The following TMEM131L variants were observed in gnomAD, a reference collection of about 807,000 sequenced individuals.
TMEM131L encodes transmembrane 131 like.
TMEM131L carries 54 observed loss-of-function variants against 192.2 expected under a neutral mutation model. The observed-to-expected ratio is 0.28, with a 90% CI of 0.23 to 0.35. TMEM131L has a LOEUF of 0.35. Among genes scored for constraint, TMEM131L ranks in the 10% least tolerant of loss-of-function variants. TMEM131L has a pLI of 1.00. For synonymous variants in TMEM131L, 701 were observed against 704.9 expected, an observed-to-expected ratio of 0.99 and a Z score of 0.09; for missense variants, 1,888 against 1,972.9, an observed-to-expected ratio of 0.96 and a Z score of 0.82.
At chr4:153,545,292 T>TTC (rs2150364748) in intron 3 of TMEM131L, among the ~76,000 whole-genome samples, 1 of 144,036 alleles carries the variant, frequency 6.9e-6, no homozygotes, top group Non-Finnish European at 1.5e-5. Flanking sequence ...TTTTCAAACT[T>TTC]TTTTTTTTTT....
At chr4:153,612,560 T>C (rs1320260328) in intron 26 of TMEM131L, among the ~76,000 whole-genome samples, 160 bp downstream of exon 26, 1 of 152,218 alleles carries the variant, frequency 6.6e-6, no homozygotes, top group Non-Finnish European at 1.5e-5. Context: ...TACCTTCTAA[T>C]TATATAGACG....
At chr4:153,571,911 T>TA (rs964567600) in intron 7 of TMEM131L, among the ~76,000 whole-genome samples, 7 of 152,344 alleles carry the variant, frequency 4.6e-5, no homozygotes, top group African/African-American at 1.7e-4. Flanking sequence ...TGTCTTCCTT[T>TA]ATTAGAGTCT....
chr4:153,590,292 C>G (rs890983546), intron 16 of TMEM131L, among the ~76,000 whole-genome samples: 1 of 152,140 alleles, frequency 6.6e-6, no homozygotes, highest in Non-Finnish European at 1.5e-5. Flanking sequence ...CTGATTGTTT[C>G]CTCAAGTTCA....
chr4:153,514,091 C>G (rs1004781768), intron 3 of TMEM131L, among the ~76,000 whole-genome samples: 3 of 152,142 alleles, frequency 2.0e-5, no homozygotes, highest in Admixed American at 2.0e-4. Context: ...CATAGCACAG[C>G]TTTGGAATCA....
chr4:153,484,297 G>A (rs1047763888), intron 3 of TMEM131L, among the ~76,000 whole-genome samples: 4 of 152,008 alleles, frequency 2.6e-5, no homozygotes, highest in Non-Finnish European at 5.9e-5. Flanking sequence ...ACAGATGTGT[G>A]GTGCCCAATT....
At chr4:153,576,779 T>C (rs17030209) in intron 7 of TMEM131L, among the ~76,000 whole-genome samples, 20,535 of 152,118 alleles carry the variant, frequency 0.13, 3,943 homozygotes, top group African/African-American at 0.43. Context: ...TACACACTGT[T>C]AGGTTTTTAT....
chr4:153,550,107 C>A lies in TMEM131L; in HGVS notation c.274C>A (p.His92Asn). Residue 92 changes from histidine (H) to asparagine (N), a missense_variant, in exon 4 of 35, where the codon CAT becomes AAT. By Grantham distance (68) the His-to-Asn change is moderately conservative (BLOSUM62 1). Transcript: ENST00000409959. ...CAAACTATTTAGTGGAAAAGGCTTA[C>A]ATTTTCAGCCATCAGTTTTAGATTT... ...SDKLFSGKGL[H>N]FQPSVLDFGI... 6.7e-7 allele frequency: 1 copy of A among 1,489,210 alleles called. No individual in the cohort carries two copies. The highest frequency in any genetic ancestry group is 9.0e-7 in the Non-Finnish European group (1 of 1,107,820). The allele number at this position is 1,489,210 out of a possible 1,614,324, so 92.2% of individuals were successfully genotyped here. A position where few individuals can be genotyped will look rare whatever the true frequency, so the allele number is the denominator to read the frequency against.
chr4:153,550,574 C>T (rs1486874503), intron 4 of TMEM131L, among the ~76,000 whole-genome samples: 1 of 152,240 alleles, frequency 6.6e-6, no homozygotes, highest in African/African-American at 2.4e-5. Context: ...GATCCGCCCG[C>T]CTCGGCCTCC....
chr4:153,612,340 G>A lies in TMEM131L; in HGVS notation c.3507G>A (p.Lys1169=), dbSNP rs1016461691. 1 of 1,601,196 alleles carries A rather than the reference G, an allele frequency of 6.2e-7. No homozygotes were observed. Among genetic ancestry groups the A allele is most frequent in the Admixed American group, 1.7e-5 (1 of 57,872 alleles). The part of the protein sequence containing the change: ...KVDTKPSSEK[K]IHKTSREDMF... ...ACACAAAGCCTTCTTCAGAAAAGAA[G>A]ATTCACAAAACATCTAGAGAAGACA... is the stretch of plus-strand genomic sequence containing the variant. Residue 1169 remains lysine (K), a synonymous_variant, in exon 26 of 35, where the codon AAG becomes AAA. Transcript: ENST00000409959.
chr4:153,557,161 CTT>C (rs1728526635), intron 6 of TMEM131L, 79 bp downstream of exon 6: 1 of 704,958 alleles, frequency 1.4e-6, no homozygotes, highest in Admixed American at 2.8e-5. Flanking sequence ...TTTAAAAAGA[CTT>C]TTGGAAATGT....
intron 3 of TMEM131L, among the ~76,000 whole-genome samples, chr4:153,526,736 C>CAA (rs562115030): frequency 1.2e-4 from 14 of 115,462 alleles, no homozygotes; most frequent in African/African-American, 3.3e-4. Flanking sequence ...GACTCTGTCT[C>CAA]AAAAAAAAAA....
At chr4:153,548,607 C>T (rs1176945953) in intron 3 of TMEM131L, among the ~76,000 whole-genome samples, 2 of 152,076 alleles carry the variant, frequency 1.3e-5, no homozygotes, top group African/African-American at 2.4e-5. Flanking sequence ...CCGGCGGCAT[C>T]ACTTTATTAT....
Position 153,583,268 on chromosome 4 carries a change from TA to T in TMEM131L, c.951+23del. 8.1e-7 allele frequency: 1 copy of T among 1,235,912 alleles called. No homozygotes were observed. The highest frequency in any genetic ancestry group is 1.2e-6 in the Non-Finnish European group (1 of 838,728). 76.6% of individuals were successfully genotyped at this position (1,235,912 alleles called of 1,614,324 possible). ...ATACAGGTAATTGTAAATGCTTACC[TA>T]AAGTAACTTTTAAAATTGCAAGTGT... On this transcript the variant is annotated intron_variant, in intron 10 of 34. Transcript: ENST00000409959.
chr4:153,575,745 G>A (rs1225229382), intron 7 of TMEM131L, among the ~76,000 whole-genome samples: 1 of 152,074 alleles, frequency 6.6e-6, no homozygotes, highest in African/African-American at 2.4e-5. Flanking sequence ...ATTTGTTAAA[G>A]GAGTATGGGA....
In TMEM131L at chr4:153,621,873, A is replaced by G. The variant is rs781386132; in HGVS notation, c.3859+24A>G. 12 of 1,609,656 alleles carry G rather than the reference A, an allele frequency of 7.5e-6. No homozygotes were observed. In the East Asian group the frequency reaches 1.3e-4, roughly 18 times the overall value. ...AGGTATGTAATGATACTGAGCTACAAATGGTGCTTCTGTGGGAATTTTTGT... is the reference window on the plus strand; with the variant it reads ...AGGTATGTAATGATACTGAGCTACAGATGGTGCTTCTGTGGGAATTTTTGT... On this transcript the variant is annotated intron_variant, in intron 28 of 34. Coordinates refer to ENST00000409959, the MANE Select transcript of TMEM131L (RefSeq NM_001131007.2).
intron 2 of TMEM131L, among the ~76,000 whole-genome samples, chr4:153,470,417 A>T (rs534761522): frequency 3.3e-5 from 5 of 152,172 alleles, no homozygotes; most frequent in African/African-American, 4.8e-5. Flanking sequence ...TGTGTGCTCT[A>T]TGATTGTAAA....
chr4:153,588,868 T>C (rs917100907), intron 15 of TMEM131L, 22 bp from the exon 16 acceptor site: 2 of 1,182,706 alleles, frequency 1.7e-6, no homozygotes, highest in East Asian at 4.7e-5. Flanking sequence ...AATCTAAATA[T>C]GGAATCTGAT....
intron 9 of TMEM131L, among the ~76,000 whole-genome samples, 193 bp downstream of exon 9, chr4:153,581,753 C>T (rs1047434429): frequency 1.3e-5 from 2 of 151,882 alleles, no homozygotes; most frequent in African/African-American, 4.9e-5. Context: ...GGAGAAGTGA[C>T]AACTGCAAAC....
At chr4:153,498,995 G>A (rs1194860985) in intron 3 of TMEM131L, among the ~76,000 whole-genome samples, 1 of 152,200 alleles carries the variant, frequency 6.6e-6, no homozygotes, top group Non-Finnish European at 1.5e-5. Context: ...GCTGGAAGTT[G>A]CCCCTTAGTA....
Sources: gnomAD v4.1 joint callset for allele counts (sites outside exome capture counted in the v4.1 genomes callset) on GRCh38, gnomAD v4.1.1 for gene constraint, MANE v1.5 for transcripts, NCBI Gene and HGNC (gene_info 2026-07-23, HGNC 2026-07-21) for gene names.